GLI3: variants seen among roughly 807,000 people sequenced by gnomAD.
GLI3 encodes transcription activator GLI3.
A neutral mutation model predicts 100.8 loss-of-function variants in GLI3; 20 were observed. That is an observed-to-expected ratio of 0.20 (90% confidence interval 0.14 to 0.29). The LOEUF (loss-of-function observed/expected upper bound fraction) is 0.29. Among genes scored for constraint, GLI3 ranks in the 10% least tolerant of loss-of-function variants. The pLI is 1.00. For missense variants in GLI3, 2,040 were observed against 2,128.5 expected (o/e 0.96, Z 0.82); for synonymous variants, 938 against 860.5 (o/e 1.09, Z -1.58).
chr7:42,130,796 T>C (rs1427987599), intron 3 of GLI3, among the ~76,000 whole-genome samples: 1 of 152,010 alleles, frequency 6.6e-6, no homozygotes, highest in African/African-American at 2.4e-5. Flanking sequence ...GCAGAATTAA[T>C]GAAAATAAAA....
chr7:42,158,833 C>T (rs1223683963), intron 2 of GLI3, among the ~76,000 whole-genome samples: 1 of 152,144 alleles, frequency 6.6e-6, no homozygotes, highest in Non-Finnish European at 1.5e-5. Context: ...CTGCCTCTTC[C>T]TCTAAAGGCC....
rs1350442024 is a variant in GLI3, at chr7:42,045,455, G to T, written c.755C>A (p.Ala252Glu). The change falls in exon 6 of 15, where the codon GCA (alanine) becomes GAA (glutamate). Residue 252 changes from alanine to glutamate, a missense_variant. Coordinates refer to ENST00000395925, the MANE Select transcript of GLI3 (RefSeq NM_000168.6). The stretch of plus-strand genomic sequence containing the variant: ...GGTGGCAGCTGAGGGAATAATGTCT[G>T]CATAGGGGCTGCGCTGGCCAGTTAG... ...ALLTGQRSPY[A>E]DIIPSAATAG... is the part of the protein sequence containing the mutation. 2 of 1,613,698 alleles carry T rather than the reference G, an allele frequency of 1.2e-6. No individual in the cohort carries two copies. The highest frequency in any genetic ancestry group is 1.7e-6 in the Non-Finnish European group (2 of 1,179,674).
At chr7:42,117,728 G>A (rs1004666235) in intron 3 of GLI3, among the ~76,000 whole-genome samples, 1 of 152,234 alleles carries the variant, frequency 6.6e-6, no homozygotes, top group African/African-American at 2.4e-5. Context: ...TTCTAGCAAA[G>A]TGTATGATCT....
chr7:41,986,627 A>G (rs1388511958), intron 10 of GLI3, among the ~76,000 whole-genome samples: 4 of 152,246 alleles, frequency 2.6e-5, no homozygotes, highest in Non-Finnish European at 5.9e-5. Flanking sequence ...ATGAGTATCC[A>G]GAATAGGTAA....
At chr7:42,071,552 A>G (rs979931545) in intron 4 of GLI3, among the ~76,000 whole-genome samples, 7 of 152,190 alleles carry the variant, frequency 4.6e-5, no homozygotes, top group Non-Finnish European at 1.0e-4. Context: ...CTCCTTTGGA[A>G]TAAGTATGTG....
At position 41,978,543 on chromosome 7, in the gene GLI3, C is replaced by T. The variant is rs116695942; in HGVS notation, c.1647+56G>A. The T allele has an allele frequency of 3.2e-3, 5,013 of 1,559,634 alleles. 35 individuals are homozygous for T. Among genetic ancestry groups the T allele is most frequent in the African/African-American group, 0.024 (1,792 of 74,036 alleles). On this transcript the variant is annotated intron_variant, in intron 11 of 14. Transcript: ENST00000395925. ...GAGCTGGTGTCATCAGTTTGCACAG[C>T]TCTTATGAGTATGGGGAAGGACCCA...
intron 2 of GLI3, among the ~76,000 whole-genome samples, chr7:42,182,476 C>T (rs969637849): frequency 1.3e-5 from 2 of 150,840 alleles, no homozygotes; most frequent in African/African-American, 4.9e-5. Context: ...TAAACGCATG[C>T]TCTTTACCCA....
Position 41,963,740 on chromosome 7 carries a change from G to A in GLI3, c.*590C>T, listed in dbSNP as rs1268045386. 4 of 153,282 alleles carry A rather than the reference G, an allele frequency of 2.6e-5. No homozygotes were observed. Among genetic ancestry groups the A allele is most frequent in the African/African-American group, 9.7e-5 (4 of 41,422 alleles). 9.5% of individuals were successfully genotyped at this position (153,282 alleles called of 1,614,324 possible). On this transcript the variant is annotated 3_prime_UTR_variant, in exon 15 of 15. Coordinates refer to ENST00000395925, the MANE Select transcript of GLI3 (RefSeq NM_000168.6). ...CCCTGAACTGAATTGGAGATGGGGG[G>A]AACATCAATATTCTGTCATCTATGC...
chr7:42,012,617 G>A (rs542923169), intron 10 of GLI3, among the ~76,000 whole-genome samples: 62 of 152,150 alleles, frequency 4.1e-4, no homozygotes, highest in African/African-American at 1.4e-3. Context: ...CTGTAATTCC[G>A]TAAAGGCTTT....
chr7:42,075,328 T>A lies in GLI3; in HGVS notation c.473+1424A>T, dbSNP rs34421882. On this transcript the variant is annotated intron_variant, in intron 4 of 14. Transcript: ENST00000395925. ...TAAGTACATCACAAAGGCTCCAGTC[T>A]GGGAGGAATTAGCCATCCATGTCTC... is the stretch of plus-strand genomic sequence containing the variant. Among the ~76,000 whole-genome samples, 1,350 of 152,300 alleles carry A rather than the reference T, an allele frequency of 8.9e-3. 12 individuals are homozygous for A. The highest frequency in any genetic ancestry group is 0.012 in the Non-Finnish European group (849 of 68,020).
intron 10 of GLI3, among the ~76,000 whole-genome samples, 156 bp downstream of exon 10, chr7:42,023,312 C>T (rs1230953417): frequency 2.0e-5 from 3 of 152,200 alleles, no homozygotes; most frequent in African/African-American, 7.2e-5. Context: ...AGCACCGTGG[C>T]TCCGAGTTTT....
intron 3 of GLI3, among the ~76,000 whole-genome samples, chr7:42,137,348 C>T (rs720791): frequency 0.016 from 2,427 of 152,226 alleles, 65 homozygotes; most frequent in African/African-American, 0.056. Flanking sequence ...AATCACAACA[C>T]TTCTTCCACT....
chr7:42,255,991 ATAGT>A (rs1274749989), intron 1 of GLI3, among the ~76,000 whole-genome samples: 2 of 152,070 alleles, frequency 1.3e-5, no homozygotes, highest in Admixed American at 6.5e-5. Context: ...CTTTTTGTTT[ATAGT>A]TATTCTAGTC....
chr7:41,995,193 T>C (rs932256324), intron 10 of GLI3, among the ~76,000 whole-genome samples: 2 of 152,216 alleles, frequency 1.3e-5, no homozygotes, highest in African/African-American at 2.4e-5. Context: ...GCATAGTTTG[T>C]TTAGCAAAAA....
intron 2 of GLI3, among the ~76,000 whole-genome samples, chr7:42,195,473 T>G (rs1787910625): frequency 1.3e-5 from 2 of 152,186 alleles, no homozygotes; most frequent in Admixed American, 1.3e-4. Context: ...CCTTTGTACC[T>G]GCCTCCTCAC....
chr7:41,977,760 T>C, intron 11 of GLI3, 38 bp from the exon 12 acceptor site: 1 of 1,587,164 alleles, frequency 6.3e-7, no homozygotes, highest in East Asian at 2.2e-5. Flanking sequence ...CTCTGCACAA[T>C]GGCAACAGCA....
intron 3 of GLI3, among the ~76,000 whole-genome samples, chr7:42,090,373 T>G (rs1366816499): frequency 6.6e-6 from 1 of 152,202 alleles, no homozygotes; most frequent in African/African-American, 2.4e-5. Flanking sequence ...TGATAGGAAT[T>G]CTTCAGCTCC....
chr7:42,216,821 G>T (rs1410966005), intron 2 of GLI3, among the ~76,000 whole-genome samples: 1 of 152,194 alleles, frequency 6.6e-6, no homozygotes, highest in Non-Finnish European at 1.5e-5. Flanking sequence ...ATGGACAAGA[G>T]GCCAAGAGCC....
intron 2 of GLI3, among the ~76,000 whole-genome samples, chr7:42,206,880 T>A (rs918445289): frequency 2.6e-4 from 39 of 152,018 alleles, no homozygotes; most frequent in African/African-American, 8.9e-4. Context: ...AACTAAAAAA[T>A]TTTTTAAAAA....
Sources: allele counts gnomAD v4.1 joint callset (sites outside exome capture counted in the v4.1 genomes callset), GRCh38; gene constraint gnomAD v4.1.1; transcripts MANE v1.5; gene names NCBI Gene and HGNC (gene_info 2026-07-23, HGNC 2026-07-21).